CNTN4: variants seen among roughly 807,000 people sequenced by gnomAD.
CNTN4 encodes contactin 4, also known as contactin-4.
Under a neutral mutation model 122.5 loss-of-function variants are expected in CNTN4, and 77 were observed. The observed-to-expected ratio is 0.63, with a 90% CI of 0.52 to 0.76. CNTN4 has a LOEUF of 0.76. Among genes scored for constraint, CNTN4 ranks in the 30% least tolerant of loss-of-function variants. CNTN4 has a pLI of 0.00. For synonymous variants in CNTN4, 512 were observed against 447.0 expected, an observed-to-expected ratio of 1.15 and a Z score of -1.83; for missense variants, 1,256 against 1,259.1, an observed-to-expected ratio of 1.00 and a Z score of 0.04.
At chr3:2,530,105 T>A (rs144515287) in intron 3 of CNTN4, among the ~76,000 whole-genome samples, 102 of 152,274 alleles carry the variant, frequency 6.7e-4, no homozygotes, top group African/African-American at 2.4e-3. Context: ...TTCAGAAATC[T>A]TGTAATAAAT....
chr3:2,324,470 TCTGA>T (rs2043382505), intron 2 of CNTN4, among the ~76,000 whole-genome samples: 1 of 152,188 alleles, frequency 6.6e-6, no homozygotes, highest in Non-Finnish European at 1.5e-5. Context: ...TAACTTAAAA[TCTGA>T]CTGTTTTATC....
At chr3:2,252,991 T>G (rs1153504) in intron 2 of CNTN4, among the ~76,000 whole-genome samples, 1 of 152,034 alleles carries the variant, frequency 6.6e-6, no homozygotes, top group African/African-American at 2.4e-5. Context: ...CAGTAATACA[T>G]GCACAGCACA....
chr3:2,171,827 T>G (rs2036529514), intron 2 of CNTN4, among the ~76,000 whole-genome samples: 1 of 152,214 alleles, frequency 6.6e-6, no homozygotes, highest in Admixed American at 6.5e-5. Context: ...GCTCTTGGTG[T>G]GTTTGGTATT....
chr3:2,181,758 C>T (rs1394306137), intron 2 of CNTN4, among the ~76,000 whole-genome samples: 1 of 152,060 alleles, frequency 6.6e-6, no homozygotes, highest in African/African-American at 2.4e-5. Flanking sequence ...AAACATTTTT[C>T]CTTGTTGATC....
At chr3:2,706,972 G>GTGTA (rs1239243045) in intron 4 of CNTN4, among the ~76,000 whole-genome samples, 1 of 151,664 alleles carries the variant, frequency 6.6e-6, no homozygotes, top group Non-Finnish European at 1.5e-5. Flanking sequence ...ACTAGATTAT[G>GTGTA]TGTATGTGTG....
intron 6 of CNTN4, among the ~76,000 whole-genome samples, chr3:2,803,804 A>T (rs780632367): frequency 1.3e-5 from 2 of 151,968 alleles, no homozygotes; most frequent in Non-Finnish European, 2.9e-5. Context: ...CAGGTGATCC[A>T]CCTGCCTTGG....
At chr3:2,510,476 C>G (rs1360304911) in intron 3 of CNTN4, among the ~76,000 whole-genome samples, 2 of 152,066 alleles carry the variant, frequency 1.3e-5, no homozygotes, top group South Asian at 2.1e-4. Context: ...CATACAGGCT[C>G]CTTAACTACT....
intron 2 of CNTN4, among the ~76,000 whole-genome samples, chr3:2,147,232 A>C (rs2035288457): frequency 6.6e-6 from 1 of 152,060 alleles, no homozygotes; most frequent in Non-Finnish European, 1.5e-5. Context: ...CCAGCACTTT[A>C]TTTTTTAATT....
chr3:2,215,102 CTT>C (rs372701408), intron 2 of CNTN4, among the ~76,000 whole-genome samples: 10 of 152,192 alleles, frequency 6.6e-5, no homozygotes, highest in African/African-American at 2.4e-4. Context: ...ACCTCTATCT[CTT>C]CTTTTCTGCC....
At chr3:2,123,288 A>C (rs1231417114) in intron 2 of CNTN4, among the ~76,000 whole-genome samples, 1 of 152,220 alleles carries the variant, frequency 6.6e-6, no homozygotes, top group Non-Finnish European at 1.5e-5. Flanking sequence ...GCATTTCTCA[A>C]GGTCAAGGTC....
chr3:2,390,213 A>AGTGTGT (rs1553639069), intron 3 of CNTN4, among the ~76,000 whole-genome samples: 1 of 113,550 alleles, frequency 8.8e-6, no homozygotes, highest in African/African-American at 3.7e-5. Context: ...TTAGGAAAAA[A>AGTGTGT]GAGTGTGTGT....
At chr3:2,468,847 A>G (rs910068182) in intron 3 of CNTN4, among the ~76,000 whole-genome samples, 1 of 152,196 alleles carries the variant, frequency 6.6e-6, no homozygotes, top group Non-Finnish European at 1.5e-5. Context: ...GGGATGCACC[A>G]TTAGGCTTCT....
intron 3 of CNTN4, among the ~76,000 whole-genome samples, chr3:2,510,231 A>G (rs1346229975): frequency 9.9e-5 from 15 of 152,164 alleles, no homozygotes; most frequent in Non-Finnish European, 1.5e-5. Flanking sequence ...GCACCTTTCT[A>G]GTGAAGGTCT....
At chr3:3,016,752 G>T (rs1014952634) in intron 14 of CNTN4, among the ~76,000 whole-genome samples, 3 of 151,998 alleles carry the variant, frequency 2.0e-5, no homozygotes, top group African/African-American at 7.2e-5. Context: ...CCTATACTTG[G>T]CCACCCTCAA....
chr3:2,898,328 TAAAG>T (rs1245471844), intron 10 of CNTN4, among the ~76,000 whole-genome samples: 5 of 150,746 alleles, frequency 3.3e-5, no homozygotes, highest in Admixed American at 1.3e-4. Flanking sequence ...ACTTTAAAAA[TAAAG>T]AAAGTGCCAG....
chr3:2,475,412 C>CT (rs1441640661), intron 3 of CNTN4, among the ~76,000 whole-genome samples: 1 of 152,134 alleles, frequency 6.6e-6, no homozygotes, highest in African/African-American at 2.4e-5. Flanking sequence ...TCACATCACT[C>CT]TATGTGGAGT....
chr3:2,155,196 C>T (rs2035664229), intron 2 of CNTN4, among the ~76,000 whole-genome samples: 3 of 152,144 alleles, frequency 2.0e-5, no homozygotes, highest in African/African-American at 7.2e-5. Context: ...CTAATTTTCC[C>T]ATCTCTGTCT....
intron 2 of CNTN4, among the ~76,000 whole-genome samples, chr3:2,225,160 C>CCCA (rs10632045): frequency 0.17 from 25,520 of 149,108 alleles, 2,477 homozygotes; most frequent in Non-Finnish European, 0.23. Flanking sequence ...CCACCACCCC[C>CCCA]AAAAAAAAAG....
At chr3:2,725,323 G>T (rs1482207435) in intron 4 of CNTN4, among the ~76,000 whole-genome samples, 6 of 152,092 alleles carry the variant, frequency 3.9e-5, no homozygotes, top group African/African-American at 1.4e-4. Context: ...GCATATGCCT[G>T]CACCCCGTCC....
Sources: gnomAD v4.1 joint callset for allele counts (sites outside exome capture counted in the v4.1 genomes callset) on GRCh38, gnomAD v4.1.1 for gene constraint, MANE v1.5 for transcripts, NCBI Gene and HGNC (gene_info 2026-07-23, HGNC 2026-07-21) for gene names.